BRPF3: variants seen among roughly 807,000 people sequenced by gnomAD.
BRPF3 encodes bromodomain and PHD finger-containing protein 3.
BRPF3 carries 18 observed loss-of-function variants against 102.0 expected under a neutral mutation model. The observed-to-expected ratio is 0.18, with a 90% CI of 0.12 to 0.26. The LOEUF is 0.26. BRPF3 is among the 10% of genes least tolerant of loss of function. The pLI, the probability that BRPF3 is intolerant of heterozygous loss-of-function variation, is 1.00. For missense variants in BRPF3, 1,147 were observed against 1,567.8 expected (o/e 0.73, Z 4.53); for synonymous variants, 570 against 614.2 (o/e 0.93, Z 1.06).
chr6:36,203,630 C>G (rs183281103), intron 2 of BRPF3, among the ~76,000 whole-genome samples: 1 of 152,294 alleles, frequency 6.6e-6, no homozygotes, highest in African/African-American at 2.4e-5. Context: ...TGAGCAACGT[C>G]CTGCCCAACA....
At chr6:36,199,248 C>T (rs116467954) in intron 1 of BRPF3, among the ~76,000 whole-genome samples, 3,877 of 152,230 alleles carry the variant, frequency 0.025, 172 homozygotes, top group African/African-American at 0.087. Flanking sequence ...GGAGCGCGAA[C>T]CCTACTGTGA....
At chr6:36,215,156 G>A (rs1197717919) in intron 8 of BRPF3, among the ~76,000 whole-genome samples, 11 of 151,882 alleles carry the variant, frequency 7.2e-5, no homozygotes, top group African/African-American at 2.7e-4. Flanking sequence ...TTGCTCTGTC[G>A]CCCAGGCTAG....
chr6:36,222,329 C>A, intron 10 of BRPF3, 64 bp downstream of exon 10: 2 of 1,419,798 alleles, frequency 1.4e-6, no homozygotes, highest in Non-Finnish European at 1.9e-6. Flanking sequence ...GCTCTTCAGG[C>A]TGCTGCACTG....
At position 36,230,545 on chromosome 6, in the gene BRPF3, G is replaced by A. The variant is rs756729676; in HGVS notation, c.3554G>A (p.Arg1185His). 13 of 1,614,068 alleles carry A rather than the reference G, an allele frequency of 8.1e-6. No homozygotes were observed. The highest frequency in any genetic ancestry group is 2.2e-5 in the East Asian group (1 of 44,894). ...IRKSVQVAYD[R>H]AMIHLSRVRG... The stretch of plus-strand genomic sequence containing the variant: ...AAGTCAGTGCAGGTGGCCTATGACC[G>A]TGCGATGATCCACCTGAGCAGAGTC... The change falls in exon 13 of 13, where the codon CGT becomes CAT. Residue 1185 changes from arginine to histidine, a missense_variant. Arg to His is a conservative substitution (Grantham distance 29, BLOSUM62 0). This residue lies in a region of BRPF3 where 85 missense variants were observed against 172.9 expected (regional missense o/e 0.49). Coordinates refer to ENST00000357641, the MANE Select transcript of BRPF3 (RefSeq NM_015695.3). This position sits in a 1 kb window ranked among gnomAD's most constrained non-coding sequence, Gnocchi z 5.4.
Position 36,210,517 on chromosome 6 carries a change from C to G in BRPF3, c.2168C>G (p.Ser723Cys), listed in dbSNP as rs1198691257. ...SPKLEDFYRF[S>C]WEDVDNILIP... ...AAATTGGAAGACTTTTACCGCTTCT[C>G]CTGGGAAGACGGTGAGAGGCCTGGA... is the stretch of plus-strand genomic sequence containing the variant. The change falls in exon 6 of 13, where the codon TCC (serine) becomes TGC (cysteine). Residue 723 changes from serine to cysteine, a missense_variant. Around this residue, in one of 11 missense-constraint regions of BRPF3, gnomAD observed 109 missense variants for 175.1 expected, o/e 0.62. Transcript: ENST00000357641. The surrounding 1 kb of genome is among the most constrained non-coding windows in gnomAD (Gnocchi z 4.7). 1.3e-6 allele frequency: 2 copies of G among 1,589,910 alleles called. No homozygotes were observed. The highest frequency in any genetic ancestry group is 1.7e-6 in the Non-Finnish European group (2 of 1,174,308).
intron 1 of BRPF3, among the ~76,000 whole-genome samples, chr6:36,198,200 C>A (rs1767574045): frequency 6.6e-6 from 1 of 152,160 alleles, no homozygotes; most frequent in Non-Finnish European, 1.5e-5. Flanking sequence ...CCTGGCACTG[C>A]TCCTCAGCCA....
At chr6:36,221,245 C>A (rs552150922) in intron 9 of BRPF3, among the ~76,000 whole-genome samples, 19 of 150,312 alleles carry the variant, frequency 1.3e-4, no homozygotes, top group Non-Finnish European at 2.4e-4. Flanking sequence ...ATACATTTTG[C>A]CTCTTTGCAA....
In BRPF3 at chr6:36,230,652, G is replaced by T. The variant is rs751193305; in HGVS notation, c.*43G>T. The T allele has an allele frequency of 2.5e-6, 4 of 1,594,678 alleles. No individual in the cohort carries two copies. The highest frequency in any genetic ancestry group is 1.1e-5 in the South Asian group (1 of 89,068). The stretch of plus-strand genomic sequence containing the variant: ...CATCCGCTTGCCCTGCCTCCATCCC[G>T]CAGGGCACAGAGAAGCCTCTTCTGC... On this transcript the variant is annotated 3_prime_UTR_variant, in exon 13 of 13. Coordinates refer to ENST00000357641, the MANE Select transcript of BRPF3 (RefSeq NM_015695.3). The surrounding 1 kb of genome is among the most constrained non-coding windows in gnomAD (Gnocchi z 5.4).
Position 36,213,832 on chromosome 6 carries a change from G to A in BRPF3, c.2483-48G>A, listed in dbSNP as rs370282138. On this transcript the variant is annotated intron_variant, in intron 7 of 12. Coordinates refer to ENST00000357641, the MANE Select transcript of BRPF3 (RefSeq NM_015695.3). Reference sequence around the variant, plus strand: ...CAGTGTCAGTATCTAGCTTGTAGGAGCAGACTCTTTCTAAAATGTTCAAGC... The same window carrying A: ...CAGTGTCAGTATCTAGCTTGTAGGAACAGACTCTTTCTAAAATGTTCAAGC... 66 of 1,535,862 alleles carry A rather than the reference G, an allele frequency of 4.3e-5. No individual in the cohort carries two copies. The African/African-American group carries it at 8.0e-4, about 19-fold the overall frequency.
chr6:36,225,485 G>C (rs969842432), intron 11 of BRPF3, 121 bp downstream of exon 11: 6 of 879,618 alleles, frequency 6.8e-6, no homozygotes, highest in East Asian at 2.7e-5. Context: ...AGAGGGGAGG[G>C]GGGTTTTGCC....
intron 1 of BRPF3, chr6:36,197,435 C>G (rs1767539897): frequency 6.6e-6 from 1 of 152,250 alleles, no homozygotes; most frequent in Admixed American, 6.5e-5. Flanking sequence ...CTCGCCCCTC[C>G]CCTCTGAGGA....
intron 3 of BRPF3, 21 bp from the exon 4 acceptor site, chr6:36,207,292 C>T (rs1767939082): frequency 6.2e-7 from 1 of 1,608,064 alleles, no homozygotes; most frequent in African/African-American, 1.3e-5. Context: ...TTCCTAGTCC[C>T]TCTTCTCTTC....
At chr6:36,212,531 G>A (rs1257641633) in intron 7 of BRPF3, among the ~76,000 whole-genome samples, 1 of 149,580 alleles carries the variant, frequency 6.7e-6, no homozygotes, top group Non-Finnish European at 1.5e-5. Flanking sequence ...TGGGGCTGTG[G>A]CAGTACAGAG....
intron 9 of BRPF3, 117 bp from the exon 10 acceptor site, chr6:36,222,051 C>A (rs1273977472): frequency 1.0e-6 from 1 of 974,114 alleles, no homozygotes; most frequent in Non-Finnish European, 1.6e-6. Context: ...AAACTGTCCT[C>A]CCTGAAGAGT....
rs538317767 is a variant in BRPF3, at chr6:36,208,803, A to G, written c.1738-984A>G. 4.7e-4 allele frequency among the ~76,000 whole-genome samples: 72 copies of G among 152,348 alleles called. 1 individual carries two copies. The South Asian group carries it at 0.013, about 27-fold the overall frequency. On this transcript the variant is annotated intron_variant, in intron 4 of 12. Transcript: ENST00000357641. Reference sequence around the variant, plus strand: ...TATAGCCAAAAGGTGGAAATTTTCTATAGTCTTAATTTGTGGCTTCCCAAC... The same window carrying G: ...TATAGCCAAAAGGTGGAAATTTTCTGTAGTCTTAATTTGTGGCTTCCCAAC...
At position 36,204,570 on chromosome 6, in the gene BRPF3, A is replaced by T. The variant is rs1440936624; in HGVS notation, c.1449-88A>T. The T allele has an allele frequency of 2.0e-6, 3 of 1,479,982 alleles. No homozygotes were observed. The Admixed American group carries it at 5.0e-5, about 25-fold the overall frequency. The allele number at this position is 1,479,982 out of a possible 1,614,324, so 91.7% of individuals were successfully genotyped here. ...TTCTGTCTTCCTGTATAAGGTTCAG[A>T]AATGAACCAGGTCTGGATAGGATGC... On this transcript the variant is annotated intron_variant, in intron 2 of 12. Transcript: ENST00000357641.
chr6:36,199,578 G>A lies in BRPF3; in HGVS notation c.-26-719G>A, dbSNP rs551716661. ...TAAGAGGTATTGGGAGAAGACTCTA[G>A]TGACTTTTGATCCTCTGATGGGGCC... is the stretch of plus-strand genomic sequence containing the variant. On this transcript the variant is annotated intron_variant, in intron 1 of 12. Transcript: ENST00000357641. Among the ~76,000 whole-genome samples, 10 of 152,326 alleles carry A rather than the reference G, an allele frequency of 6.6e-5. No individual in the cohort carries two copies. In the East Asian group the frequency reaches 1.9e-3, roughly 29 times the overall value.
At chr6:36,222,101 A>G in intron 9 of BRPF3, 67 bp from the exon 10 acceptor site, 2 of 1,452,170 alleles carry the variant, frequency 1.4e-6, no homozygotes, top group Non-Finnish European at 1.9e-6. Flanking sequence ...GAGAGGGGAG[A>G]AGGGGAGTCG....
chr6:36,199,111 C>T (rs1294765540), intron 1 of BRPF3, among the ~76,000 whole-genome samples: 1 of 152,176 alleles, frequency 6.6e-6, no homozygotes, highest in Non-Finnish European at 1.5e-5. Flanking sequence ...GGGTTCCCAA[C>T]CCCCAGGCCG....
Sources: allele counts gnomAD v4.1 joint callset (sites outside exome capture counted in the v4.1 genomes callset), GRCh38; gene constraint gnomAD v4.1.1; regional missense constraint gnomAD v4.1.1; non-coding constraint Gnocchi (gnomAD v3.1); transcripts MANE v1.5; gene names NCBI Gene and HGNC (gene_info 2026-07-23, HGNC 2026-07-21).